The following CDKL1 variants were observed in gnomAD, a reference collection of about 807,000 sequenced individuals.
CDKL1 encodes cyclin dependent kinase like 1.
In CDKL1, 41 loss-of-function variants were observed where a neutral mutation model predicts 42.0. The ratio of observed to expected loss-of-function variants is 0.98; its 90% CI spans 0.76 to 1.27. The LOEUF is 1.27. Ranked by LOEUF, CDKL1 falls within the 50% of genes most tolerant of loss-of-function variation. The pLI is 0.00. For synonymous variants in CDKL1, 153 were observed against 158.6 expected (o/e 0.96, Z 0.26); for missense variants, 394 against 428.4 (o/e 0.92, Z 0.71).
chr14:50,335,452 T>G lies in CDKL1; in HGVS notation c.739-831A>C, dbSNP rs2139373807. The stretch of plus-strand genomic sequence containing the variant: ...CTCCCACTAGGGCCTGCTGCTTCCC[T>G]TCTCAGCCTGCTGTTTAAACAGTCT... On this transcript the variant is annotated intron_variant, in intron 7 of 9. Coordinates refer to ENST00000395834, the MANE Select transcript of CDKL1 (RefSeq NM_004196.7). The G allele has an allele frequency of 2.6e-6, 4 of 1,535,120 alleles. No homozygotes were observed. In the South Asian group the frequency reaches 4.8e-5, roughly 18 times the overall value.
At chr14:50,349,903 G>T (rs1164444627) in intron 3 of CDKL1, among the ~76,000 whole-genome samples, 1 of 152,098 alleles carries the variant, frequency 6.6e-6, no homozygotes, top group Non-Finnish European at 1.5e-5. Context: ...CAAGTAGCTG[G>T]GATTACAGGC....
chr14:50,331,596 C>A, intron 9 of CDKL1: 1 of 177,996 alleles, frequency 5.6e-6, no homozygotes, highest in East Asian at 1.5e-4. Context: ...TAATGTATAG[C>A]TTAAGGAGTA....
At chr14:50,392,713 C>A (rs1243868664) in intron 2 of CDKL1, among the ~76,000 whole-genome samples, 1 of 152,030 alleles carries the variant, frequency 6.6e-6, no homozygotes, top group Non-Finnish European at 1.5e-5. Context: ...CCTGGACTTC[C>A]CCTGAATGCC....
rs189901537 is a variant in CDKL1 at position 50,359,159 on chromosome 14, C to A, written c.169-10G>T. The A allele has an allele frequency of 1.9e-6, 3 of 1,588,660 alleles. No homozygotes were observed. The highest frequency in any genetic ancestry group is 3.6e-5 in the Admixed American group (2 of 55,742). The stretch of plus-strand genomic sequence containing the variant: ...TGGGATGCTTGAGTTGCTGAAAACA[C>A]AAAAAAACAAGTTACTAAATTTGAC... On this transcript the variant is annotated splice_polypyrimidine_tract_variant and intron_variant, in intron 2 of 9. Coordinates refer to ENST00000395834, the MANE Select transcript of CDKL1 (RefSeq NM_004196.7).
At chr14:50,386,673 C>G (rs2035090396) in intron 2 of CDKL1, among the ~76,000 whole-genome samples, 1 of 152,026 alleles carries the variant, frequency 6.6e-6, no homozygotes, top group Non-Finnish European at 1.5e-5. Flanking sequence ...GCCTGTAAAC[C>G]CAGTACCTTG....
intron 7 of CDKL1, chr14:50,335,407 G>C (rs1465534500): frequency 7.3e-7 from 1 of 1,362,518 alleles, no homozygotes; most frequent in East Asian, 2.5e-5. Context: ...TTGATTTTCT[G>C]GAATAAACAC....
chr14:50,337,676 T>TC (rs2033352549), intron 7 of CDKL1, among the ~76,000 whole-genome samples: 1 of 129,470 alleles, frequency 7.7e-6, no homozygotes, highest in South Asian at 2.5e-4. Flanking sequence ...TTCTTTTTTT[T>TC]CTTTCTTTTT....
At chr14:50,351,276 G>A (rs1330590209) in intron 3 of CDKL1, among the ~76,000 whole-genome samples, 1 of 151,806 alleles carries the variant, frequency 6.6e-6, no homozygotes, top group Non-Finnish European at 1.5e-5. Context: ...TGATGGCAAA[G>A]GGAAATCCAA....
intron 3 of CDKL1, among the ~76,000 whole-genome samples, chr14:50,346,269 G>C (rs1268333688): frequency 6.6e-6 from 1 of 152,110 alleles, no homozygotes; most frequent in African/African-American, 2.4e-5. Flanking sequence ...CCACTTCCAG[G>C]AAGGCTAGTT....
chr14:50,334,477 A>G (rs565423793), intron 8 of CDKL1, 88 bp downstream of exon 8: 128 of 816,580 alleles, frequency 1.6e-4, no homozygotes, highest in African/African-American at 1.5e-3. Context: ...AACACTTTTC[A>G]TTGCATGGAT....
chr14:50,390,448 G>A (rs1239880041), intron 2 of CDKL1: 7 of 1,257,196 alleles, frequency 5.6e-6, no homozygotes, highest in Non-Finnish European at 6.3e-6. Context: ...ATAGGGGCTT[G>A]GGGCCTTAGT....
intron 3 of CDKL1, among the ~76,000 whole-genome samples, chr14:50,355,395 T>C (rs1024955203): frequency 6.6e-6 from 1 of 152,242 alleles, no homozygotes; most frequent in Admixed American, 6.5e-5. Flanking sequence ...GATTGCCAAA[T>C]TGCCTTCTGG....
chr14:50,385,070 CAAAAAAA>C (rs55719234), intron 2 of CDKL1, among the ~76,000 whole-genome samples: 15 of 93,546 alleles, frequency 1.6e-4, no homozygotes, highest in African/African-American at 5.4e-4. Flanking sequence ...GACTCTGTCT[CAAAAAAA>C]AAAAAAAAAA....
chr14:50,335,145 A>T (rs1399594784), intron 7 of CDKL1, among the ~76,000 whole-genome samples: 1 of 151,674 alleles, frequency 6.6e-6, no homozygotes, highest in African/African-American at 2.4e-5. Flanking sequence ...AATACCAAAA[A>T]ACTAGCTGGG....
At chr14:50,397,008 CAGGGAA>C, upstream of CDKL1, 1 of 1,138,614 alleles carries the variant, frequency 8.8e-7, no homozygotes, top group South Asian at 1.4e-5. Flanking sequence ...CTCCCGGCTG[CAGGGAA>C]AGGCCTCGGA....
intron 3 of CDKL1, among the ~76,000 whole-genome samples, chr14:50,356,663 T>A (rs965483480): frequency 6.6e-6 from 1 of 152,108 alleles, no homozygotes; most frequent in Non-Finnish European, 1.5e-5. Context: ...GAACAACACA[T>A]ACTGAGGCCT....
Position 50,375,512 on chromosome 14 carries a change from C to T in CDKL1, c.169-16363G>A, listed in dbSNP as rs564339583. Among the ~76,000 whole-genome samples, 18 of 152,342 alleles carry T rather than the reference C, an allele frequency of 1.2e-4. No homozygotes were observed. The East Asian group carries it at 2.1e-3, about 18-fold the overall frequency. Reference sequence around the variant, plus strand: ...GTCACTTTACAGTGGAGAAACCTGACGACACTACCTCAGCCAGGTGATCAA... The same window carrying T: ...GTCACTTTACAGTGGAGAAACCTGATGACACTACCTCAGCCAGGTGATCAA... On this transcript the variant is annotated intron_variant, in intron 2 of 9. Coordinates refer to ENST00000395834, the MANE Select transcript of CDKL1 (RefSeq NM_004196.7).
At chr14:50,359,286 T>A (rs2034164409) in intron 2 of CDKL1, 137 bp from the exon 3 acceptor site, 1 of 916,522 alleles carries the variant, frequency 1.1e-6, no homozygotes, top group South Asian at 1.9e-5. Context: ...AACAGTATCA[T>A]CTTACCCCTC....
At chr14:50,334,069 A>C (rs1399907855) in intron 8 of CDKL1, 1 of 152,072 alleles carries the variant, frequency 6.6e-6, no homozygotes, top group Non-Finnish European at 1.5e-5. Context: ...ATATAATGTT[A>C]GGTTTATTTA....
Sources: allele counts gnomAD v4.1 joint callset (sites outside exome capture counted in the v4.1 genomes callset), GRCh38; gene constraint gnomAD v4.1.1; transcripts MANE v1.5; gene names NCBI Gene and HGNC (gene_info 2026-07-23, HGNC 2026-07-21).